Variants in PKN2 observed in about 807,000 individuals in gnomAD.
PKN2 encodes protein kinase N2, also known as serine/threonine-protein kinase N2.
PKN2 carries 38 observed loss-of-function variants against 119.1 expected under a neutral mutation model. The ratio of observed to expected loss-of-function variants is 0.32; its 90% CI spans 0.25 to 0.42. The LOEUF (loss-of-function observed/expected upper bound fraction) is 0.42, where lower values mean the gene tolerates loss of function less well. PKN2 is among the 10% of genes least tolerant of loss of function. The pLI, the probability that PKN2 is intolerant of heterozygous loss-of-function variation, is 1.00. For missense variants in PKN2, 850 were observed against 1,165.1 expected, an observed-to-expected ratio of 0.73 and a Z score of 3.94; for synonymous variants, 390 against 384.9, an observed-to-expected ratio of 1.01 and a Z score of -0.15.
At chr1:88,815,105 ACAATTATG>A (rs1410491134) in intron 16 of PKN2, among the ~76,000 whole-genome samples, 2 of 152,358 alleles carry the variant, frequency 1.3e-5, no homozygotes, top group Non-Finnish European at 2.9e-5. Context: ...GCAGAGCATT[ACAATTATG>A]CCTAACCTTA....
At chr1:88,684,802 A>G in intron 1 of PKN2, 174 bp downstream of exon 1, 1 of 546,146 alleles carries the variant, frequency 1.8e-6, no homozygotes, top group Non-Finnish European at 3.1e-6. Context: ...TTCCCTGGGG[A>G]GCCGGACCCT....
intron 2 of PKN2, among the ~76,000 whole-genome samples, chr1:88,758,043 A>T (rs1383872885): frequency 2.0e-5 from 3 of 150,214 alleles, no homozygotes; most frequent in Non-Finnish European, 4.4e-5. Flanking sequence ...TATCTCAAAA[A>T]AAAAAAAAAA....
At chr1:88,801,797 G>C (rs1230655299) in intron 8 of PKN2, among the ~76,000 whole-genome samples, 3 of 152,238 alleles carry the variant, frequency 2.0e-5, no homozygotes, top group Non-Finnish European at 4.4e-5. Context: ...AATCGCGAGA[G>C]CACACCTGAA....
At chr1:88,776,326 C>T (rs1011000622) in intron 6 of PKN2, among the ~76,000 whole-genome samples, 2 of 150,026 alleles carry the variant, frequency 1.3e-5, no homozygotes, top group African/African-American at 2.5e-5. Flanking sequence ...GGGCGGGTCT[C>T]CTAGTGTCTA....
intron 19 of PKN2, among the ~76,000 whole-genome samples, chr1:88,832,304 T>C (rs1018571): frequency 0.067 from 10,143 of 151,984 alleles, 693 homozygotes; most frequent in African/African-American, 0.18. Flanking sequence ...TTTCTTCTGT[T>C]TTTCCACAAG....
At chr1:88,816,657 A>G (rs1311964614) in intron 16 of PKN2, 5 of 152,172 alleles carry the variant, frequency 3.3e-5, no homozygotes, top group African/African-American at 1.2e-4. Flanking sequence ...ATTTCTAAGT[A>G]GTTGCATTTT....
chr1:88,783,119 C>T (rs916682969), intron 6 of PKN2, among the ~76,000 whole-genome samples: 1 of 152,238 alleles, frequency 6.6e-6, no homozygotes, highest in Non-Finnish European at 1.5e-5. Context: ...TACCTATATG[C>T]ACTGAGTATT....
chr1:88,781,102 G>T (rs1670322165), intron 6 of PKN2: 1 of 1,234,344 alleles, frequency 8.1e-7, no homozygotes, highest in Non-Finnish European at 1.0e-6. Flanking sequence ...ACTAGGGAGA[G>T]AAATACTACT....
chr1:88,698,805 A>G (rs1666645528), intron 1 of PKN2, among the ~76,000 whole-genome samples: 1 of 152,202 alleles, frequency 6.6e-6, no homozygotes, highest in African/African-American at 2.4e-5. Context: ...AGTGATTTAT[A>G]GGTGACTTAC....
chr1:88,701,903 G>A (rs546558968), intron 1 of PKN2, among the ~76,000 whole-genome samples: 1 of 152,262 alleles, frequency 6.6e-6, no homozygotes, highest in East Asian at 1.9e-4. Flanking sequence ...ATTTCTAAGT[G>A]ACTTGTGCAA....
intron 19 of PKN2, among the ~76,000 whole-genome samples, chr1:88,830,139 T>A (rs979176016): frequency 6.6e-6 from 1 of 152,138 alleles, no homozygotes; most frequent in Non-Finnish European, 1.5e-5. Flanking sequence ...TTGCTTAAAG[T>A]CACACAGCTC....
intron 1 of PKN2, among the ~76,000 whole-genome samples, chr1:88,695,996 TCATGA>T (rs1338788417): frequency 7.2e-5 from 11 of 152,196 alleles, no homozygotes; most frequent in Admixed American, 7.2e-4. Context: ...CTTAAAGGTA[TCATGA>T]CATTCTGTTG....
At chr1:88,686,784 T>G (rs1002552323) in intron 1 of PKN2, among the ~76,000 whole-genome samples, 1 of 152,134 alleles carries the variant, frequency 6.6e-6, no homozygotes, top group African/African-American at 2.4e-5. Context: ...GTCCTGAAAC[T>G]TAGTGTACAG....
At chr1:88,765,093 C>CT (rs113747860) in intron 3 of PKN2, among the ~76,000 whole-genome samples, 1 of 151,710 alleles carries the variant, frequency 6.6e-6, no homozygotes, top group African/African-American at 2.4e-5. Flanking sequence ...TGCCTGGCTA[C>CT]TTTTTTTGTA....
At chr1:88,743,831 A>G (rs2100750021) in intron 2 of PKN2, among the ~76,000 whole-genome samples, 1 of 149,498 alleles carries the variant, frequency 6.7e-6, no homozygotes, top group South Asian at 2.2e-4. Flanking sequence ...GAAAACAAAG[A>G]CTTAAAAGTT....
chr1:88,774,739 C>T (rs1009287754), intron 6 of PKN2, among the ~76,000 whole-genome samples: 2 of 151,884 alleles, frequency 1.3e-5, no homozygotes, highest in African/African-American at 2.4e-5. Context: ...GACAGGATCT[C>T]TCTTTGTTGC....
intron 1 of PKN2, among the ~76,000 whole-genome samples, chr1:88,728,894 CTTTTTT>C (rs397844615): frequency 7.7e-6 from 1 of 130,270 alleles, no homozygotes; most frequent in African/African-American, 2.9e-5. Flanking sequence ...ACATCCCCAT[CTTTTTT>C]TTTTTTTTTT....
intron 18 of PKN2, among the ~76,000 whole-genome samples, chr1:88,827,446 T>C (rs1018418594): frequency 1.3e-5 from 2 of 151,878 alleles, no homozygotes; most frequent in African/African-American, 2.4e-5. Context: ...AGCCTGAAGG[T>C]AAATTTATAT....
chr1:88,750,484 A>G (rs768533228), intron 2 of PKN2, among the ~76,000 whole-genome samples: 1 of 152,172 alleles, frequency 6.6e-6, no homozygotes, highest in Non-Finnish European at 1.5e-5. Flanking sequence ...CAAATTCAGT[A>G]TTTACTCCTT....
Sources: gnomAD v4.1 joint callset for allele counts (sites outside exome capture counted in the v4.1 genomes callset) on GRCh38, gnomAD v4.1.1 for gene constraint, MANE v1.5 for transcripts, NCBI Gene and HGNC (gene_info 2026-07-23, HGNC 2026-07-21) for gene names.